Variants in ANK3 observed in about 807,000 individuals in gnomAD.
The protein encoded by ANK3 is ankyrin-3.
Under a neutral mutation model 370.9 loss-of-function variants are expected in ANK3, and 57 were observed. The ratio of observed to expected loss-of-function variants is 0.15; its 90% CI spans 0.12 to 0.19. The LOEUF is 0.19. Ranked by LOEUF, ANK3 falls within the 10% of genes least tolerant of loss-of-function variation. The pLI, the probability that ANK3 is intolerant of heterozygous loss-of-function variation, is 1.00. For synonymous variants in ANK3, 1,929 were observed against 1,946.3 expected, an observed-to-expected ratio of 0.99 and a Z score of 0.23; for missense variants, 4,439 against 5,302.1, an observed-to-expected ratio of 0.84 and a Z score of 5.06.
At chr10:60,607,750 A>C (rs1222013830) in intron 2 of ANK3, among the ~76,000 whole-genome samples, 1 of 152,220 alleles carries the variant, frequency 6.6e-6, no homozygotes, top group South Asian at 2.1e-4. Flanking sequence ...TTAGAATGCA[A>C]ATCTAGCAAA....
At chr10:60,433,130 C>T (rs1346516359) in intron 2 of ANK3, among the ~76,000 whole-genome samples, 1 of 148,850 alleles carries the variant, frequency 6.7e-6, no homozygotes, top group Non-Finnish European at 1.5e-5. Context: ...ATTAAAACAA[C>T]AAAAAGACAT....
At chr10:60,495,733 G>C (rs911025395) in intron 2 of ANK3, among the ~76,000 whole-genome samples, 1 of 152,114 alleles carries the variant, frequency 6.6e-6, no homozygotes, top group Non-Finnish European at 1.5e-5. Context: ...AGAGGAAAGA[G>C]AAGAGGAAAT....
At chr10:60,240,024 C>CACATATATAT (rs2097403425) in intron 7 of ANK3, among the ~76,000 whole-genome samples, 1 of 53,106 alleles carries the variant, frequency 1.9e-5, no homozygotes, top group Non-Finnish European at 4.4e-5. Context: ...CACATATATA[C>CACATATATAT]ACATATATAT....
intron 1 of ANK3, among the ~76,000 whole-genome samples, chr10:60,318,298 T>C (rs185511203): frequency 5.9e-5 from 9 of 152,362 alleles, no homozygotes; most frequent in Admixed American, 5.9e-4. Context: ...CACCCAGCTT[T>C]ATAAACATTT....
At chr10:60,078,160 T>G (rs1215857845) in intron 36 of ANK3, among the ~76,000 whole-genome samples, 2 of 152,220 alleles carry the variant, frequency 1.3e-5, no homozygotes, top group Non-Finnish European at 2.9e-5. Flanking sequence ...ATGTTCTTCT[T>G]CATGCTGTGC....
intron 1 of ANK3, among the ~76,000 whole-genome samples, chr10:60,316,320 A>G (rs1329134626): frequency 6.6e-6 from 1 of 152,176 alleles, no homozygotes; most frequent in African/African-American, 2.4e-5. Context: ...TCACACAAAC[A>G]AAAAAGCAGG....
At chr10:60,059,472 T>C (rs1401650062) in intron 40 of ANK3, 42 bp from the exon 41 acceptor site, 1 of 1,526,026 alleles carries the variant, frequency 6.6e-7, no homozygotes, top group South Asian at 1.1e-5. Context: ...CTGAACACGC[T>C]TAAGAATAGC....
chr10:60,551,059 A>G (rs1281673753), intron 2 of ANK3, among the ~76,000 whole-genome samples: 1 of 152,118 alleles, frequency 6.6e-6, no homozygotes, highest in Non-Finnish European at 1.5e-5. Flanking sequence ...TACCAATGTC[A>G]TGATACTGGC....
intron 25 of ANK3, among the ~76,000 whole-genome samples, chr10:60,119,435 G>T (rs1257948576): frequency 6.6e-6 from 1 of 152,190 alleles, no homozygotes; most frequent in East Asian, 1.9e-4. Flanking sequence ...AAAAAACTTT[G>T]CCTCTATTTA....
intron 18 of ANK3, among the ~76,000 whole-genome samples, chr10:60,176,973 AT>A (rs1182365693): frequency 1.3e-5 from 2 of 151,914 alleles, no homozygotes; most frequent in South Asian, 2.1e-4. Context: ...GGAAAAAAAA[AT>A]AATCTTCATT....
At chr10:60,701,566 A>G (rs927562768) in intron 1 of ANK3, among the ~76,000 whole-genome samples, 2 of 152,238 alleles carry the variant, frequency 1.3e-5, no homozygotes, top group African/African-American at 4.8e-5. Context: ...TACATTCAAC[A>G]CAATAGCATT....
chr10:60,506,341 A>C (rs1236915248), intron 2 of ANK3, among the ~76,000 whole-genome samples: 1 of 152,078 alleles, frequency 6.6e-6, no homozygotes, highest in African/African-American at 2.4e-5. Flanking sequence ...GAAAATCCCA[A>C]AGTGACTCTA....
At chr10:60,590,087 T>C (rs1215656844) in intron 2 of ANK3, among the ~76,000 whole-genome samples, 1 of 152,222 alleles carries the variant, frequency 6.6e-6, no homozygotes. Flanking sequence ...GTATTTCTCC[T>C]TCCAGGTGAG....
At chr10:60,526,356 A>C (rs1414955891) in intron 2 of ANK3, among the ~76,000 whole-genome samples, 1 of 152,150 alleles carries the variant, frequency 6.6e-6, no homozygotes, top group African/African-American at 2.4e-5. Flanking sequence ...AGCAACTTTA[A>C]AAACAGTATC....
chr10:60,351,971 T>TA (rs1201562786), intron 1 of ANK3, among the ~76,000 whole-genome samples: 9 of 152,242 alleles, frequency 5.9e-5, no homozygotes, highest in African/African-American at 1.9e-4. Context: ...AATGGAAATT[T>TA]ATTCTCATGT....
At chr10:60,120,551 T>C (rs1271147436) in intron 25 of ANK3, among the ~76,000 whole-genome samples, 1 of 152,090 alleles carries the variant, frequency 6.6e-6, no homozygotes, top group African/African-American at 2.4e-5. Flanking sequence ...GGAGAATGTA[T>C]TGACAAACTC....
At chr10:60,151,845 T>C (rs2095134284) in intron 23 of ANK3, among the ~76,000 whole-genome samples, 2 of 152,208 alleles carry the variant, frequency 1.3e-5, no homozygotes, top group South Asian at 4.1e-4. Context: ...GCACTGATGT[T>C]GTGTGACCTT....
intron 1 of ANK3, among the ~76,000 whole-genome samples, chr10:60,664,432 G>A (rs981894868): frequency 6.6e-6 from 1 of 152,162 alleles, no homozygotes; most frequent in Admixed American, 6.6e-5. Context: ...AGATAGCAGA[G>A]AACACTCCAG....
chr10:60,122,972 C>T (rs780645116), intron 25 of ANK3, among the ~76,000 whole-genome samples: 1 of 152,154 alleles, frequency 6.6e-6, no homozygotes, highest in Non-Finnish European at 1.5e-5. Context: ...CCACAACTTA[C>T]TGTGCATCAG....
Sources: gnomAD v4.1 joint callset for allele counts (sites outside exome capture counted in the v4.1 genomes callset) on GRCh38, gnomAD v4.1.1 for gene constraint, MANE v1.5 for transcripts, NCBI Gene and HGNC (gene_info 2026-07-23, HGNC 2026-07-21) for gene names.